Variants in ICA1L observed in about 807,000 individuals in gnomAD.
The protein encoded by ICA1L is islet cell autoantigen 1 like, also known as islet cell autoantigen 1-like protein.
In ICA1L, 50 loss-of-function variants were observed where a neutral mutation model predicts 61.3. The observed-to-expected ratio is 0.82, with a 90% CI of 0.65 to 1.03. ICA1L has a LOEUF of 1.03. ICA1L is among the 50% of genes least tolerant of loss of function. The pLI is 0.00. For synonymous variants in ICA1L, 161 were observed against 191.3 expected (o/e 0.84, Z 1.31); for missense variants, 508 against 556.7 (o/e 0.91, Z 0.88).
intron 9 of ICA1L, among the ~76,000 whole-genome samples, chr2:202,801,886 G>A (rs892063329): frequency 6.6e-6 from 1 of 152,188 alleles, no homozygotes; most frequent in African/African-American, 2.4e-5. Context: ...GGAAGAAGCA[G>A]TATGAATTTT....
chr2:202,853,788 A>G (rs1694696774), intron 1 of ICA1L, among the ~76,000 whole-genome samples: 2 of 152,204 alleles, frequency 1.3e-5, no homozygotes, highest in African/African-American at 2.4e-5. Context: ...TATCCAGCCA[A>G]ACTAAGCTTC....
At chr2:202,862,199 G>A (rs909773021) in intron 1 of ICA1L, among the ~76,000 whole-genome samples, 5 of 145,294 alleles carry the variant, frequency 3.4e-5, no homozygotes, top group African/African-American at 1.3e-4. Context: ...AGTGATTCAG[G>A]AGGGTGAAGC....
chr2:202,836,885 A>G (rs1489301732), intron 1 of ICA1L, among the ~76,000 whole-genome samples: 4 of 135,220 alleles, frequency 3.0e-5, no homozygotes, highest in Non-Finnish European at 6.5e-5. Flanking sequence ...TTGGATGCCC[A>G]GGCTGGAGTG....
intron 1 of ICA1L, among the ~76,000 whole-genome samples, chr2:202,833,189 C>CA (rs576832938): frequency 3.0e-4 from 45 of 151,626 alleles, no homozygotes; most frequent in African/African-American, 9.7e-4. Context: ...TCAATAAAAA[C>CA]AAAAAAAAGT....
intron 1 of ICA1L, among the ~76,000 whole-genome samples, chr2:202,851,075 T>C (rs975850505): frequency 3.3e-5 from 5 of 152,070 alleles, no homozygotes; most frequent in Admixed American, 2.0e-4. Context: ...GTTTGTTACA[T>C]ATGTATACAT....
chr2:202,788,473 T>C (rs908348192), intron 11 of ICA1L, among the ~76,000 whole-genome samples: 2 of 152,144 alleles, frequency 1.3e-5, no homozygotes, highest in South Asian at 4.1e-4. Flanking sequence ...AGCTGTTCTT[T>C]TTCCTCTTGT....
At position 202,828,912 on chromosome 2, in the gene ICA1L, G is replaced by A; in HGVS notation, c.98C>T (p.Ala33Val). 6.2e-7 allele frequency: 1 copy of A among 1,613,090 alleles called. No homozygotes were observed. Among genetic ancestry groups the A allele is most frequent in the Non-Finnish European group, 8.5e-7 (1 of 1,179,658 alleles). The change falls in exon 2 of 13, where the codon GCA (alanine) becomes GTA (valine). Residue 33 changes from alanine (A) to valine (V), a missense_variant. Coordinates refer to ENST00000358299, the MANE Select transcript of ICA1L (RefSeq NM_001288622.3). ...GTGCTCATCCTCTTTTTTTCCTGTT[G>A]CTTTGATAAAGACCTGTTTAGTTTT... The part of the protein sequence containing the change: ...YWKTKQVFIK[A>V]TGKKEDEHLV...
At chr2:202,839,069 T>A (rs565842012) in intron 1 of ICA1L, among the ~76,000 whole-genome samples, 31 of 152,274 alleles carry the variant, frequency 2.0e-4, no homozygotes, top group African/African-American at 6.7e-4. Context: ...CAACATCAGA[T>A]TGGGAGGGGA....
Position 202,773,496 on chromosome 2 carries a change from A to G in ICA1L, c.*6037T>C, listed in dbSNP as rs1692118657. ...TTATCTCCAACAAGACACTGTCAAA[A>G]TGTTTCTTCTGATAAAGCAGTTATG... On this transcript the variant is annotated 3_prime_UTR_variant, in exon 13 of 13. Transcript: ENST00000358299. 3.5e-6 allele frequency: 1 copy of G among 285,858 alleles called. No homozygotes were observed. The highest frequency in any genetic ancestry group is 2.2e-5 in the African/African-American group (1 of 45,946). 17.7% of individuals were successfully genotyped at this position (285,858 alleles called of 1,614,324 possible). A position where few individuals can be genotyped will look rare whatever the true frequency, so the allele number is the denominator to read the frequency against.
intron 12 of ICA1L, among the ~76,000 whole-genome samples, chr2:202,781,119 G>A (rs571426929): frequency 2.6e-5 from 4 of 152,210 alleles, no homozygotes; most frequent in Non-Finnish European, 2.9e-5. Flanking sequence ...AGGTCTGTCC[G>A]TTACATCTTT....
intron 1 of ICA1L, among the ~76,000 whole-genome samples, chr2:202,848,365 A>C (rs1445772720): frequency 6.6e-6 from 1 of 152,182 alleles, no homozygotes; most frequent in African/African-American, 2.4e-5. Context: ...AATCTAATAA[A>C]AGGAACCGAA....
At chr2:202,862,161 A>G (rs977798242) in intron 1 of ICA1L, among the ~76,000 whole-genome samples, 3 of 150,564 alleles carry the variant, frequency 2.0e-5, no homozygotes, top group Non-Finnish European at 4.4e-5. Flanking sequence ...AATAGAAACC[A>G]GGTGTTGTAG....
At chr2:202,841,491 G>C (rs1694328260) in intron 1 of ICA1L, 1 of 780,580 alleles carries the variant, frequency 1.3e-6, no homozygotes, top group Non-Finnish European at 2.3e-6. Flanking sequence ...TGTTGTTGAG[G>C]GTCCTTCTCC....
At chr2:202,795,115 C>G (rs908557321) in intron 10 of ICA1L, among the ~76,000 whole-genome samples, 1 of 146,038 alleles carries the variant, frequency 6.8e-6, no homozygotes, top group Non-Finnish European at 1.5e-5. Flanking sequence ...CCTCAGCCTC[C>G]CGAGTAGCTG....
chr2:202,828,804 A>G (rs1242568521), intron 2 of ICA1L, 44 bp downstream of exon 2: 2 of 1,548,632 alleles, frequency 1.3e-6, no homozygotes, highest in East Asian at 4.5e-5. Context: ...TGGAGCCCCA[A>G]ATAATGGCTG....
intron 1 of ICA1L, among the ~76,000 whole-genome samples, chr2:202,850,276 C>T (rs143346971): frequency 3.0e-4 from 46 of 152,108 alleles, no homozygotes; most frequent in African/African-American, 8.9e-4. Flanking sequence ...CAAAACTGGA[C>T]GGAGAATGAG....
chr2:202,798,178 TTGA>T lies in ICA1L; in HGVS notation c.911-1217_911-1215del, dbSNP rs538889061. ...ATAATTTTATTTATCTGTTCATCTG[TTGA>T]TGAACACTTACAATGATTCCATATC... On this transcript the variant is annotated intron_variant, in intron 9 of 12. Coordinates refer to ENST00000358299, the MANE Select transcript of ICA1L (RefSeq NM_001288622.3). Among the ~76,000 whole-genome samples, 7 of 152,332 alleles carry T rather than the reference TTGA, an allele frequency of 4.6e-5. No homozygotes were observed. In the South Asian group the frequency reaches 1.5e-3, roughly 32 times the overall value.
At chr2:202,845,451 AC>A (rs1298885766) in intron 1 of ICA1L, among the ~76,000 whole-genome samples, 1 of 151,958 alleles carries the variant, frequency 6.6e-6, no homozygotes, top group Non-Finnish European at 1.5e-5. Context: ...ACATGGTGAA[AC>A]CCTGTTTCTA....
At chr2:202,814,190 C>T (rs760697734) in intron 8 of ICA1L, among the ~76,000 whole-genome samples, 22 of 152,288 alleles carry the variant, frequency 1.4e-4, no homozygotes, top group Non-Finnish European at 1.8e-4. Flanking sequence ...CCACCCTCAA[C>T]GTGGGAGTAT....
Sources: allele counts gnomAD v4.1 joint callset (sites outside exome capture counted in the v4.1 genomes callset), GRCh38; gene constraint gnomAD v4.1.1; transcripts MANE v1.5; gene names NCBI Gene and HGNC (gene_info 2026-07-23, HGNC 2026-07-21).